KANSL1: variants seen among roughly 807,000 people sequenced by gnomAD.
KANSL1 encodes MLL1/MLL complex subunit KANSL1.
KANSL1 carries 22 observed loss-of-function variants against 103.6 expected under a neutral mutation model. The observed-to-expected ratio is 0.21, with a 90% CI of 0.15 to 0.30. The LOEUF (loss-of-function observed/expected upper bound fraction) is 0.30, where lower values mean the gene tolerates loss of function less well. KANSL1 is among the 10% of genes least tolerant of loss of function. The probability of loss-of-function intolerance (pLI) is 1.00; values close to 1 mark genes in which losing one functional copy is unlikely to be tolerated. For synonymous variants in KANSL1, 600 were observed against 527.6 expected (o/e 1.14, Z -1.88); for missense variants, 1,337 against 1,399.8 (o/e 0.96, Z 0.72).
At chr17:46,036,203 G>C (rs1044238890) in intron 10 of KANSL1, among the ~76,000 whole-genome samples, 9 of 152,190 alleles carry the variant, frequency 5.9e-5, no homozygotes, top group African/African-American at 1.7e-4. Context: ...ATCACAGCCA[G>C]CAACAAATCA....
intron 2 of KANSL1, among the ~76,000 whole-genome samples, chr17:46,101,627 G>A (rs1284280355): frequency 9.9e-5 from 15 of 151,618 alleles, no homozygotes; most frequent in Admixed American, 8.6e-4. Flanking sequence ...AGTAGCACGC[G>A]CCTGTAATCC....
chr17:46,159,137 G>A (rs2045596040), intron 2 of KANSL1, among the ~76,000 whole-genome samples: 1 of 152,190 alleles, frequency 6.6e-6, no homozygotes. Context: ...ATGCAATGCA[G>A]GCTACATGGA....
chr17:46,187,198 T>C (rs1461070324), intron 1 of KANSL1, among the ~76,000 whole-genome samples: 1 of 152,252 alleles, frequency 6.6e-6, no homozygotes, highest in Non-Finnish European at 1.5e-5. Flanking sequence ...TATGAGTTCT[T>C]AGCAATTTTT....
chr17:46,098,345 C>A (rs2042168714), intron 2 of KANSL1, among the ~76,000 whole-genome samples: 1 of 152,220 alleles, frequency 6.6e-6, no homozygotes, highest in African/African-American at 2.4e-5. Flanking sequence ...GCAACCCCAA[C>A]AGCCTCCTTA....
At chr17:46,129,982 T>G (rs141777956) in intron 2 of KANSL1, among the ~76,000 whole-genome samples, 129 of 152,032 alleles carry the variant, frequency 8.5e-4, no homozygotes, top group Middle Eastern at 3.4e-3. Flanking sequence ...GCCCAGGACA[T>G]CAAGACCAGC....
chr17:46,158,497 G>A (rs1055272258), intron 2 of KANSL1, among the ~76,000 whole-genome samples: 2 of 152,002 alleles, frequency 1.3e-5, no homozygotes, highest in African/African-American at 4.8e-5. Context: ...CAAGTAGCTG[G>A]GATTACGGGC....
rs1291797978 is a variant in KANSL1 at position 46,039,154 on chromosome 17, C to T, written c.2265G>A (p.Gly755=). Residue 755 remains glycine (G), a synonymous_variant, in exon 9 of 15, where the codon GGG becomes GGA. Coordinates refer to ENST00000432791, the MANE Select transcript of KANSL1 (RefSeq NM_015443.4). ...RTHRQHLDDV[G]AVPMVERVTA... ...TCACTCGCTCCACCATGGGCACGGCCCCCACATCGTCTAAGTGCTGCCTGT... is the reference window on the plus strand; with the variant it reads ...TCACTCGCTCCACCATGGGCACGGCTCCCACATCGTCTAAGTGCTGCCTGT... 1 of 1,611,804 alleles carries T rather than the reference C, an allele frequency of 6.2e-7. No individual in the cohort carries two copies. The highest frequency in any genetic ancestry group is 1.7e-5 in the Admixed American group (1 of 59,378).
At chr17:46,156,159 C>T (rs2045416897) in intron 2 of KANSL1, among the ~76,000 whole-genome samples, 1 of 152,156 alleles carries the variant, frequency 6.6e-6, no homozygotes, top group South Asian at 2.1e-4. Flanking sequence ...ACCAGCCTGA[C>T]CAACATGGTG....
chr17:46,147,761 T>C (rs1423624081), intron 2 of KANSL1, among the ~76,000 whole-genome samples: 1 of 152,170 alleles, frequency 6.6e-6, no homozygotes, highest in Non-Finnish European at 1.5e-5. Context: ...AATTCAGGTG[T>C]TCTCCACATG....
chr17:46,110,622 G>A (rs1033573562), intron 2 of KANSL1, among the ~76,000 whole-genome samples: 1 of 152,190 alleles, frequency 6.6e-6, no homozygotes, highest in Non-Finnish European at 1.5e-5. Flanking sequence ...GTGGAGGAAG[G>A]GGGGAGATGA....
chr17:46,126,057 T>C (rs538067853), intron 2 of KANSL1, among the ~76,000 whole-genome samples: 1 of 152,290 alleles, frequency 6.6e-6, no homozygotes, highest in Non-Finnish European at 1.5e-5. Flanking sequence ...CAGGTCTGAC[T>C]CAACAGTCTG....
chr17:46,064,231 G>A (rs1186725191), intron 6 of KANSL1, among the ~76,000 whole-genome samples: 1 of 152,008 alleles, frequency 6.6e-6, no homozygotes, highest in African/African-American at 2.4e-5. Flanking sequence ...TCTTTAAAGA[G>A]AACATGGCAA....
At position 46,058,735 on chromosome 17, in the gene KANSL1, ACACACACACTCTCTCTCTCTCTCTCTCT is replaced by A. The variant is rs1326455989; in HGVS notation, c.1848+7774_1848+7801del. On this transcript the variant is annotated intron_variant, in intron 6 of 14. Transcript: ENST00000432791. ...AACACACACACACACACACACACAC[ACACACACACTCTCTCTCTCTCTCTCTCT>A]CTCTCTCTCTCTCTCTCTCTCTCTC... Among the ~76,000 whole-genome samples the A allele has an allele frequency of 5.5e-4, 30 of 54,066 alleles. 1 individual carries two copies. Among genetic ancestry groups the A allele is most frequent in the South Asian group, 1.1e-3 (1 of 908 alleles). 35.5% of individuals were successfully genotyped at this position (54,066 alleles called of 152,430 possible).
At chr17:46,084,556 C>T (rs1484615105) in intron 3 of KANSL1, among the ~76,000 whole-genome samples, 1 of 151,694 alleles carries the variant, frequency 6.6e-6, no homozygotes, top group Non-Finnish European at 1.5e-5. Context: ...GTGGTGAGCC[C>T]CTGTAATCCC....
chr17:46,160,097 A>G (rs575104305), intron 2 of KANSL1, among the ~76,000 whole-genome samples: 2 of 152,370 alleles, frequency 1.3e-5, no homozygotes, highest in Admixed American at 6.5e-5. Context: ...ATTATTTAAC[A>G]TATCTATAGT....
At chr17:46,062,069 G>A (rs1251168102) in intron 6 of KANSL1, among the ~76,000 whole-genome samples, 3 of 134,482 alleles carry the variant, frequency 2.2e-5, no homozygotes, top group Non-Finnish European at 3.1e-5. Context: ...TCCAGCCTGG[G>A]TGACAGATCA....
intron 2 of KANSL1, among the ~76,000 whole-genome samples, chr17:46,151,973 C>T (rs1193669114): frequency 2.6e-5 from 4 of 152,242 alleles, no homozygotes; most frequent in Non-Finnish European, 5.9e-5. Context: ...TGGATCCCAT[C>T]CCAGAGGGTG....
At chr17:46,081,312 A>G (rs190382014) in intron 4 of KANSL1, among the ~76,000 whole-genome samples, 14 of 152,304 alleles carry the variant, frequency 9.2e-5, no homozygotes, top group Admixed American at 5.2e-4. Flanking sequence ...CCACCAATGT[A>G]TCTATGTTTC....
intron 2 of KANSL1, among the ~76,000 whole-genome samples, chr17:46,109,893 A>C (rs1265573935): frequency 6.6e-6 from 1 of 152,254 alleles, no homozygotes; most frequent in Non-Finnish European, 1.5e-5. Context: ...CAGGAACCAG[A>C]GACCCAAGTA....
Sources: gnomAD v4.1 joint callset for allele counts (sites outside exome capture counted in the v4.1 genomes callset) on GRCh38, gnomAD v4.1.1 for gene constraint, MANE v1.5 for transcripts, NCBI Gene and HGNC (gene_info 2026-07-23, HGNC 2026-07-21) for gene names.